Variants in STAT6 observed in about 807,000 individuals in gnomAD.
STAT6 encodes STAT, interleukin4-induced.
STAT6 carries 45 observed loss-of-function variants against 106.3 expected under a neutral mutation model. The observed-to-expected ratio is 0.42, with a 90% CI of 0.33 to 0.54. The LOEUF (loss-of-function observed/expected upper bound fraction) is 0.54, where lower values mean the gene tolerates loss of function less well. Among genes scored for constraint, STAT6 ranks in the 20% least tolerant of loss-of-function variants. The pLI, the probability that STAT6 is intolerant of heterozygous loss-of-function variation, is 0.06. For synonymous variants in STAT6, 413 were observed against 413.6 expected, an observed-to-expected ratio of 1.00 and a Z score of 0.02; for missense variants, 797 against 1,062.2, an observed-to-expected ratio of 0.75 and a Z score of 3.47.
intron 5 of STAT6, 53 bp downstream of exon 5, chr12:57,106,640 G>C: frequency 6.2e-7 from 1 of 1,613,346 alleles, no homozygotes; most frequent in Non-Finnish European, 8.5e-7. Flanking sequence ...ATAAGGTTGA[G>C]ATCCAAGAGG....
chr12:57,096,968 G>A lies in STAT6; in HGVS notation c.2236C>T (p.Pro746Ser). 1 of 1,613,182 alleles carries A rather than the reference G, an allele frequency of 6.2e-7. No homozygotes were observed. Among genetic ancestry groups the A allele is most frequent in the Non-Finnish European group, 8.5e-7 (1 of 1,179,530 alleles). ...ACAGCATGCTCCTGAGGCTGGCACGGCAGCAGGCCCCTGCCAGGAACCAGC... is the reference window on the plus strand; with the variant it reads ...ACAGCATGCTCCTGAGGCTGGCACGACAGCAGGCCCCTGCCAGGAACCAGC... ...FDQPHPQGLL[P>S]CQPQEHAVSS... The change falls in exon 21 of 22, where the codon CCG becomes TCG. Residue 746 changes from proline to serine, a missense_variant. Coordinates refer to ENST00000300134, the MANE Select transcript of STAT6 (RefSeq NM_003153.5).
At chr12:57,100,265 C>T (rs994162147) in intron 13 of STAT6, among the ~76,000 whole-genome samples, 175 bp from the exon 14 acceptor site, 2 of 152,228 alleles carry the variant, frequency 1.3e-5, no homozygotes, top group South Asian at 2.1e-4. Flanking sequence ...GTGCCAGCCA[C>T]TATTTCAAGC....
At position 57,099,450 on chromosome 12, in the gene STAT6, G is replaced by A. The variant is rs759153260; in HGVS notation, c.1745-10C>T. The A allele has an allele frequency of 1.2e-5, 20 of 1,614,124 alleles. 1 individual carries two copies. The highest frequency in any genetic ancestry group is 1.6e-5 in the Non-Finnish European group (19 of 1,180,022). ...TCTATCTGTGGAGAGCCTATGGTAG[G>A]AAGGAGACCCTGAGATCCCTCTGTC... On this transcript the variant is annotated splice_polypyrimidine_tract_variant and intron_variant, in intron 15 of 21. Transcript: ENST00000300134. This position sits in a 1 kb window ranked among gnomAD's most constrained non-coding sequence, Gnocchi z 4.7.
At position 57,105,135 on chromosome 12, in the gene STAT6, T is replaced by C. The variant is rs781031405; in HGVS notation, c.1001+16A>G. 3 of 1,602,286 alleles carry C rather than the reference T, an allele frequency of 1.9e-6. No homozygotes were observed. In the South Asian group the frequency reaches 3.3e-5, roughly 18 times the overall value. On this transcript the variant is annotated intron_variant, in intron 9 of 21. Transcript: ENST00000300134. ...CTAACAGCCCTTCTCCAACCCCAGG[T>C]CCAATCCCAGCTTACGCTCCAGCCC...
intron 2 of STAT6, 37 bp from the exon 3 acceptor site, chr12:57,107,780 G>C (rs374639663): frequency 6.2e-7 from 1 of 1,611,902 alleles, no homozygotes; most frequent in African/African-American, 1.3e-5. Flanking sequence ...CTCAGGCCAG[G>C]GCTTCCTCAG....
chr12:57,106,501 G>C (rs1451052216), intron 6 of STAT6, 27 bp downstream of exon 6: 7 of 1,613,378 alleles, frequency 4.3e-6, no homozygotes, highest in Non-Finnish European at 5.1e-6. Context: ...TTTGACCAAG[G>C]TCTCCACCTG....
In STAT6 at chr12:57,108,359, G is replaced by T. The variant is rs947033866; in HGVS notation, c.-21-60C>A. 1.5e-5 allele frequency: 13 copies of T among 875,092 alleles called. 1 individual carries two copies. Among genetic ancestry groups the T allele is most frequent in the Middle Eastern group, 4.7e-4 (2 of 4,270 alleles). 54.2% of individuals were successfully genotyped at this position (875,092 alleles called of 1,614,324 possible). ...CCCAAGAAACTTGGCCTATCTCCTG[G>T]GGCAGCCAGGGACCTCCCATAGATA... On this transcript the variant is annotated intron_variant, in intron 1 of 21. Transcript: ENST00000300134.
Position 57,105,552 on chromosome 12 carries a change from C to T in STAT6, c.728G>A (p.Gly243Glu), listed in dbSNP as rs1411140319. ...DIYSQLQQEV[G>E]AAGGELEPKT... ...GGGCTCAAGCTCCCCACCAGCCGCC[C>T]CTACCTCCTGCTGTAGCTGGGAATA... The change falls in exon 8 of 22, where the codon GGG becomes GAG. Residue 243 changes from glycine to glutamate, a missense_variant. Around this residue, in one of 4 missense-constraint regions of STAT6, gnomAD observed 336 missense variants for 429.8 expected, o/e 0.78. Coordinates refer to ENST00000300134, the MANE Select transcript of STAT6 (RefSeq NM_003153.5). 1 of 1,614,048 alleles carries T rather than the reference C, an allele frequency of 6.2e-7. No homozygotes were observed. The highest frequency in any genetic ancestry group is 1.3e-5 in the African/African-American group (1 of 75,048).
Position 57,102,331 on chromosome 12 carries a change from C to A in STAT6, c.1471G>T (p.Ala491Ser), listed in dbSNP as rs1401823419. 6.2e-7 allele frequency: 1 copy of A among 1,614,026 alleles called. No homozygotes were observed. The highest frequency in any genetic ancestry group is 1.7e-5 in the Admixed American group (1 of 60,004). ...CAGGACACAGAACGGTGCTGGAAGGCCTCCATACTGAGGCTGTTGTCATTG... is the reference window on the plus strand; with the variant it reads ...CAGGACACAGAACGGTGCTGGAAGGACTCCATACTGAGGCTGTTGTCATTG... ...IFNDNSLSMEAFQHRSVSWSQ... is the reference protein window; with the variant it reads ...IFNDNSLSMESFQHRSVSWSQ... The change falls in exon 13 of 22, where the codon GCC (alanine) becomes TCC (serine). Residue 491 changes from alanine to serine, a missense_variant. By Grantham distance (99) the Ala-to-Ser change is moderately conservative (BLOSUM62 1). Transcript: ENST00000300134.
chr12:57,097,194 A>C lies in STAT6; in HGVS notation c.2160-61T>G, dbSNP rs2033501106. 2.2e-6 allele frequency: 3 copies of C among 1,379,786 alleles called. No individual in the cohort carries two copies. In the East Asian group the frequency reaches 7.2e-5, roughly 33 times the overall value. 85.5% of individuals were successfully genotyped at this position (1,379,786 alleles called of 1,614,324 possible). A position where few individuals can be genotyped will look rare whatever the true frequency, so the allele number is the denominator to read the frequency against. Reference sequence around the variant, plus strand: ...GCTAGGCAAATGCAGAGTGGTGCAAAGTCAGGACCACTGAGTGAGGAAACA... The same window carrying C: ...GCTAGGCAAATGCAGAGTGGTGCAACGTCAGGACCACTGAGTGAGGAAACA... On this transcript the variant is annotated intron_variant, in intron 19 of 21. Coordinates refer to ENST00000300134, the MANE Select transcript of STAT6 (RefSeq NM_003153.5).
chr12:57,107,110 G>T, intron 4 of STAT6, 121 bp downstream of exon 4: 2 of 1,151,502 alleles, frequency 1.7e-6, no homozygotes, highest in East Asian at 2.4e-5. Flanking sequence ...AACCTCCTTT[G>T]GTCATTCCTG....
rs376329163 is a variant in STAT6, at chr12:57,100,095, G to T, written c.1513-5C>A. 12 of 1,587,434 alleles carry T rather than the reference G, an allele frequency of 7.6e-6. No individual in the cohort carries two copies. The African/African-American group carries it at 1.2e-4, about 16-fold the overall frequency. ...GCCACGGCCCAGCAGGATCTCCTAG[G>T]GGGAGAGGGGGAAAGGTGTGAGCCG... On this transcript the variant is annotated splice_polypyrimidine_tract_variant and splice_region_variant and intron_variant, in intron 13 of 21. Coordinates refer to ENST00000300134, the MANE Select transcript of STAT6 (RefSeq NM_003153.5).
At position 57,107,674 on chromosome 12, in the gene STAT6, C is replaced by G. The variant is rs148320699; in HGVS notation, c.186G>C (p.Gln62His). The change falls in exon 3 of 22, where the codon CAG becomes CAC. Residue 62 changes from glutamine (Q) to histidine (H), a missense_variant. Coordinates refer to ENST00000300134, the MANE Select transcript of STAT6 (RefSeq NM_003153.5). ...LASALLSDTV[Q>H]HLQASVGEQG... ...GCTCTCCCACCGAGGCCTGAAGGTG[C>G]TGGACAGTGTCTGAAAGTAGGGCAC... is the stretch of plus-strand genomic sequence containing the variant. 1.2e-6 allele frequency: 2 copies of G among 1,614,088 alleles called. No homozygotes were observed. Among genetic ancestry groups the G allele is most frequent in the South Asian group, 2.2e-5 (2 of 91,080 alleles).
rs1592547220 is a variant in STAT6, at chr12:57,098,908, G to A, written c.1956-6C>T. 1.2e-6 allele frequency: 2 copies of A among 1,613,548 alleles called. No homozygotes were observed. Among genetic ancestry groups the A allele is most frequent in the Non-Finnish European group, 1.7e-6 (2 of 1,179,578 alleles). ...GGGTAGGAAGTGGTTGGTCCCTGGA[G>A]GAGGGAAGGAGGTACATGTGACTGA... On this transcript the variant is annotated splice_region_variant and splice_polypyrimidine_tract_variant and intron_variant, in intron 17 of 21. Coordinates refer to ENST00000300134, the MANE Select transcript of STAT6 (RefSeq NM_003153.5).
chr12:57,105,755 T>C, intron 7 of STAT6, 156 bp from the exon 8 acceptor site: 2 of 1,256,854 alleles, frequency 1.6e-6, no homozygotes, highest in Non-Finnish European at 2.1e-6. Context: ...AAGGGGGTTC[T>C]GTGATCTGTT....
intron 7 of STAT6, chr12:57,105,856 G>A: frequency 1.5e-6 from 1 of 670,714 alleles, no homozygotes; most frequent in Non-Finnish European, 2.4e-6. Context: ...TTGCACCCAG[G>A]ACAACTGCCA....
chr12:57,102,767 A>G, intron 12 of STAT6, 62 bp downstream of exon 12: 10 of 1,373,210 alleles, frequency 7.3e-6, no homozygotes, highest in Non-Finnish European at 1.0e-5. Flanking sequence ...GCAGGCCTGC[A>G]CCACTGCCCA....
rs567048191 is a variant in STAT6, at chr12:57,095,945, A to G, written c.*627T>C. The G allele has an allele frequency of 1.3e-5, 2 of 152,684 alleles. No individual in the cohort carries two copies. Among genetic ancestry groups the G allele is most frequent in the South Asian group, 4.1e-4 (2 of 4,844 alleles). The allele number at this position is 152,684 out of a possible 1,614,324, so 9.5% of individuals were successfully genotyped here. A position where few individuals can be genotyped will look rare whatever the true frequency, so the allele number is the denominator to read the frequency against. ...AGCCCTTGTACTTTTGCATAGTCTC[A>G]TACACGTATCAGAAGCCTCCACCTG... On this transcript the variant is annotated 3_prime_UTR_variant, in exon 22 of 22. Coordinates refer to ENST00000300134, the MANE Select transcript of STAT6 (RefSeq NM_003153.5).
At chr12:57,109,447 T>A (rs927415916) in intron 1 of STAT6, among the ~76,000 whole-genome samples, 2 of 152,106 alleles carry the variant, frequency 1.3e-5, no homozygotes, top group African/African-American at 4.8e-5. Context: ...ACTCAGTAAG[T>A]GAGTTTGGAA....
Sources: allele counts gnomAD v4.1 joint callset (sites outside exome capture counted in the v4.1 genomes callset), GRCh38; gene constraint gnomAD v4.1.1; regional missense constraint gnomAD v4.1.1; non-coding constraint Gnocchi (gnomAD v3.1); transcripts MANE v1.5; gene names NCBI Gene and HGNC (gene_info 2026-07-23, HGNC 2026-07-21).